Variants in CAMTA1 observed in about 807,000 individuals in gnomAD.
The protein encoded by CAMTA1 is calmodulin binding transcription activator 1.
Under a neutral mutation model 170.9 loss-of-function variants are expected in CAMTA1, and 27 were observed. The ratio of observed to expected loss-of-function variants is 0.16; its 90% CI spans 0.12 to 0.22. The LOEUF (loss-of-function observed/expected upper bound fraction) is 0.22, where lower values mean the gene tolerates loss of function less well. Among genes scored for constraint, CAMTA1 ranks in the 10% least tolerant of loss-of-function variants. The pLI, the probability that CAMTA1 is intolerant of heterozygous loss-of-function variation, is 1.00. For synonymous variants in CAMTA1, 833 were observed against 891.5 expected (o/e 0.93, Z 1.17); for missense variants, 1,619 against 2,217.2 (o/e 0.73, Z 5.42).
intron 3 of CAMTA1, among the ~76,000 whole-genome samples, chr1:6,865,948 T>C (rs537431526): frequency 2.0e-5 from 3 of 152,334 alleles, no homozygotes; most frequent in Middle Eastern, 3.4e-3. Context: ...GTAAAGACTT[T>C]TTAGGTATCT....
At chr1:6,812,208 C>T (rs1204444630) in intron 1 of CAMTA1, among the ~76,000 whole-genome samples, 3 of 152,272 alleles carry the variant, frequency 2.0e-5, no homozygotes, top group Non-Finnish European at 4.4e-5. Flanking sequence ...GGGAGAGAAC[C>T]GTGTTTTCTT....
rs182985655 is a variant in CAMTA1 at position 7,306,118 on chromosome 1, A to G, written c.438+56492A>G. ...TGTCTCCTAGAAGAAAAGTTTTACA[A>G]TTTCGTTGAAGTCCTATTTAGCGAT... On this transcript the variant is annotated intron_variant, in intron 5 of 22. Transcript: ENST00000303635. Among the ~76,000 whole-genome samples, 21 of 152,120 alleles carry G rather than the reference A, an allele frequency of 1.4e-4. 1 individual carries two copies. The East Asian group carries it at 4.0e-3, about 29-fold the overall frequency.
At chr1:7,139,154 TATAAATA>T (rs1249323485) in intron 4 of CAMTA1, among the ~76,000 whole-genome samples, 1 of 138,224 alleles carries the variant, frequency 7.2e-6, no homozygotes, top group East Asian at 2.0e-4. Flanking sequence ...AATATATAAA[TATAAATA>T]TATATAAATA....
At chr1:7,717,703 G>A (rs1375893558) in intron 11 of CAMTA1, among the ~76,000 whole-genome samples, 2 of 151,898 alleles carry the variant, frequency 1.3e-5, no homozygotes, top group Non-Finnish European at 2.9e-5. Context: ...ACTCCAGCCT[G>A]AGCAACAAAG....
At chr1:7,729,299 T>C (rs1054504748) in intron 11 of CAMTA1, among the ~76,000 whole-genome samples, 4 of 152,032 alleles carry the variant, frequency 2.6e-5, no homozygotes, top group Non-Finnish European at 4.4e-5. Context: ...TTTGTGTTTT[T>C]AGTAGAGACT....
chr1:7,658,628 G>T (rs2095926440), intron 7 of CAMTA1, among the ~76,000 whole-genome samples: 1 of 152,150 alleles, frequency 6.6e-6, no homozygotes, highest in Admixed American at 6.5e-5. Flanking sequence ...AATGAGTCTG[G>T]AAATGTCTGT....
At chr1:7,259,837 C>T (rs1055637151) in intron 5 of CAMTA1, among the ~76,000 whole-genome samples, 1 of 152,206 alleles carries the variant, frequency 6.6e-6, no homozygotes, top group African/African-American at 2.4e-5. Flanking sequence ...AGCCTTTGTT[C>T]TCTGGGTGAA....
intron 3 of CAMTA1, among the ~76,000 whole-genome samples, chr1:6,959,510 G>A (rs1315911614): frequency 2.0e-5 from 3 of 152,204 alleles, no homozygotes; most frequent in Non-Finnish European, 4.4e-5. Flanking sequence ...CCGGGCAGGG[G>A]ATGGTGGGGC....
At chr1:7,629,554 T>A (rs1343233005) in intron 6 of CAMTA1, among the ~76,000 whole-genome samples, 1 of 152,260 alleles carries the variant, frequency 6.6e-6, no homozygotes, top group East Asian at 1.9e-4. Flanking sequence ...TATTCTTAGC[T>A]TTCATGGATC....
intron 9 of CAMTA1, among the ~76,000 whole-genome samples, chr1:7,668,411 ACACACACACACACACACACACC>A (rs1301264050): frequency 0.014 from 2,069 of 147,276 alleles, 55 homozygotes; most frequent in African/African-American, 0.049. Context: ...ACACACACAC[ACACACACACACACACACACACC>A]CACCACACAC....
rs34768255 is a variant in CAMTA1, at chr1:7,270,291, A to ATTTTTTT, written c.438+20674_438+20680dup. On this transcript the variant is annotated intron_variant, in intron 5 of 22. Transcript: ENST00000303635. ...CACACACACATATATATATATATAT[A>ATTTTTTT]TTTTTTTTTTTTTTTCTTGTGAGAT... is the stretch of plus-strand genomic sequence containing the variant. Among the ~76,000 whole-genome samples the ATTTTTTT allele has an allele frequency of 1.0e-3, 112 of 110,526 alleles. 3 individuals carry two copies. The highest frequency in any genetic ancestry group is 2.5e-3 in the African/African-American group (74 of 29,662). 72.5% of individuals were successfully genotyped at this position (110,526 alleles called of 152,430 possible).
At chr1:7,467,188 G>T (rs2093231460) in intron 5 of CAMTA1, among the ~76,000 whole-genome samples, 1 of 152,102 alleles carries the variant, frequency 6.6e-6, no homozygotes, top group African/African-American at 2.4e-5. Flanking sequence ...CTCCAACCTG[G>T]CTCTGGCTGT....
rs115069548 is a variant in CAMTA1, at chr1:7,673,536, C to T, written c.2779+2499C>T. 1.7e-3 allele frequency among the ~76,000 whole-genome samples: 266 copies of T among 152,304 alleles called. 3 individuals carry two copies. The highest frequency in any genetic ancestry group is 6.2e-3 in the African/African-American group (256 of 41,566). ...CTGGTCCTGGGGCATTTCTGGGTCC[C>T]CAGAGATGGCAGGTAGAGTCTCTGC... On this transcript the variant is annotated intron_variant, in intron 10 of 22. Coordinates refer to ENST00000303635, the MANE Select transcript of CAMTA1 (RefSeq NM_015215.4). This position sits in a 1 kb window ranked among gnomAD's most constrained non-coding sequence, Gnocchi z 4.6.
rs138461835 is a variant in CAMTA1, at chr1:7,439,533, C to T, written c.439-28297C>T. The stretch of plus-strand genomic sequence containing the variant: ...GCCTGAGTCTGTGTGGGACCCACCA[C>T]CCATGCAGGACCAGGGCTCCCCACT... On this transcript the variant is annotated intron_variant, in intron 5 of 22. Coordinates refer to ENST00000303635, the MANE Select transcript of CAMTA1 (RefSeq NM_015215.4). 9.7e-3 allele frequency among the ~76,000 whole-genome samples: 1,482 copies of T among 152,302 alleles called. 21 individuals carry two copies. The highest frequency in any genetic ancestry group is 0.034 in the African/African-American group (1,398 of 41,560).
Position 7,768,089 on chromosome 1 carries a change from T to G in CAMTA1, c.*1598T>G, listed in dbSNP as rs1390124288. ...ATGTAGCTTAACACCATCCACTCAC[T>G]CCAACAAAGAACACTTAGAATGATA... On this transcript the variant is annotated 3_prime_UTR_variant, in exon 23 of 23. Coordinates refer to ENST00000303635, the MANE Select transcript of CAMTA1 (RefSeq NM_015215.4). 7.4e-6 allele frequency: 1 copy of G among 134,314 alleles called. No individual in the cohort carries two copies. Among genetic ancestry groups the G allele is most frequent in the African/African-American group, 2.9e-5 (1 of 35,040 alleles). The allele number at this position is 134,314 out of a possible 1,614,324, so 8.3% of individuals were successfully genotyped here.
At chr1:7,279,647 T>G (rs575520046) in intron 5 of CAMTA1, among the ~76,000 whole-genome samples, 2 of 152,246 alleles carry the variant, frequency 1.3e-5, no homozygotes, top group Non-Finnish European at 1.5e-5. Flanking sequence ...TCCGACCCCA[T>G]GCGGCACCGT....
intron 3 of CAMTA1, among the ~76,000 whole-genome samples, chr1:7,048,116 G>A (rs1705705578): frequency 6.6e-6 from 1 of 152,084 alleles, no homozygotes; most frequent in Non-Finnish European, 1.5e-5. Context: ...GGTCATGGAG[G>A]ATTTCAGCGG....
chr1:7,493,933 G>A (rs1188366247), intron 6 of CAMTA1, among the ~76,000 whole-genome samples: 4 of 152,106 alleles, frequency 2.6e-5, no homozygotes, highest in East Asian at 3.9e-4. Context: ...TTCACTCCCC[G>A]TCTCTGCCTC....
intron 5 of CAMTA1, among the ~76,000 whole-genome samples, chr1:7,298,327 C>A (rs1363168646): frequency 3.4e-4 from 1 of 2,948 alleles, no homozygotes; most frequent in Admixed American, 4.5e-3. Flanking sequence ...GATCCACCCC[C>A]CACCCCGCAG....
Sources: allele counts gnomAD v4.1 joint callset (sites outside exome capture counted in the v4.1 genomes callset), GRCh38; gene constraint gnomAD v4.1.1; non-coding constraint Gnocchi (gnomAD v3.1); transcripts MANE v1.5; gene names NCBI Gene and HGNC (gene_info 2026-07-23, HGNC 2026-07-21).